Variants in RORA observed in about 807,000 individuals in gnomAD.
RORA encodes the protein nuclear receptor ROR-alpha.
RORA carries 7 observed loss-of-function variants against 69.5 expected under a neutral mutation model. The observed-to-expected ratio is 0.10, with a 90% CI of 0.06 to 0.19. The LOEUF is 0.19. RORA is among the 10% of genes least tolerant of loss of function. RORA has a pLI of 1.00. For synonymous variants in RORA, 261 were observed against 240.8 expected, an observed-to-expected ratio of 1.08 and a Z score of -0.78; for missense variants, 457 against 663.0, an observed-to-expected ratio of 0.69 and a Z score of 3.41.
chr15:60,821,201 T>G (rs2072888954), intron 1 of RORA, among the ~76,000 whole-genome samples: 1 of 152,124 alleles, frequency 6.6e-6, no homozygotes, highest in South Asian at 2.1e-4. Flanking sequence ...TGCCTCCAGG[T>G]TCACTGATCA....
chr15:60,666,346 CTTTTTTT>C (rs1161494532), intron 2 of RORA, among the ~76,000 whole-genome samples: 6 of 132,442 alleles, frequency 4.5e-5, no homozygotes, highest in African/African-American at 8.4e-5. Context: ...TAATTTCTTT[CTTTTTTT>C]TTTTTTTTTT....
chr15:60,543,324 A>T (rs890932441), intron 2 of RORA, among the ~76,000 whole-genome samples: 1 of 151,884 alleles, frequency 6.6e-6, no homozygotes, highest in African/African-American at 2.4e-5. Flanking sequence ...TAGCTATGAG[A>T]ACTTGGACAC....
At chr15:60,589,792 C>T (rs540758989) in intron 2 of RORA, among the ~76,000 whole-genome samples, 3 of 152,256 alleles carry the variant, frequency 2.0e-5, no homozygotes, top group African/African-American at 7.2e-5. Context: ...AGTAAATCAG[C>T]CAACAAAGAG....
chr15:61,217,711 A>C (rs2080053572), intron 1 of RORA, among the ~76,000 whole-genome samples: 1 of 152,134 alleles, frequency 6.6e-6, no homozygotes, highest in Non-Finnish European at 1.5e-5. Context: ...TATATGTTGA[A>C]TGAAAGAATG....
At chr15:61,072,533 T>C (rs890221768) in intron 1 of RORA, among the ~76,000 whole-genome samples, 5 of 152,184 alleles carry the variant, frequency 3.3e-5, no homozygotes, top group African/African-American at 1.2e-4. Context: ...AATAAATCTA[T>C]CTCAAAAGGC....
chr15:60,909,854 T>C (rs1891653598), intron 1 of RORA, among the ~76,000 whole-genome samples: 1 of 152,248 alleles, frequency 6.6e-6, no homozygotes, highest in African/African-American at 2.4e-5. Flanking sequence ...TGGTCTGGAA[T>C]GTATTATTAT....
chr15:60,875,285 C>A (rs558718479), intron 1 of RORA, among the ~76,000 whole-genome samples: 1 of 152,346 alleles, frequency 6.6e-6, no homozygotes, highest in South Asian at 2.1e-4. Flanking sequence ...GTAACTTCAA[C>A]TATGCCCTCA....
At chr15:60,523,853 G>A (rs1046018177) in intron 3 of RORA, among the ~76,000 whole-genome samples, 10 of 152,074 alleles carry the variant, frequency 6.6e-5, no homozygotes, top group African/African-American at 1.9e-4. Flanking sequence ...TAAATTTTTT[G>A]TAGAGGAGAC....
intron 1 of RORA, among the ~76,000 whole-genome samples, chr15:60,721,256 A>T (rs1472933821): frequency 6.6e-6 from 1 of 152,194 alleles, no homozygotes; most frequent in African/African-American, 2.4e-5. Flanking sequence ...CCGGGCGGGG[A>T]GAGCAGTCCA....
intron 1 of RORA, among the ~76,000 whole-genome samples, chr15:60,762,520 G>C (rs2071910120): frequency 6.6e-6 from 1 of 152,082 alleles, no homozygotes. Flanking sequence ...TGCCTTTAAA[G>C]AAGTGCATGA....
chr15:61,078,763 A>G (rs550125101), intron 1 of RORA, among the ~76,000 whole-genome samples: 1 of 100,966 alleles, frequency 9.9e-6, no homozygotes, highest in East Asian at 3.1e-4. Flanking sequence ...GAAGGAGGGT[A>G]TGGCTATCTA....
At chr15:61,029,759 G>A (rs1048757260) in intron 1 of RORA, among the ~76,000 whole-genome samples, 3 of 152,166 alleles carry the variant, frequency 2.0e-5, no homozygotes, top group African/African-American at 7.2e-5. Flanking sequence ...TGGGAGACAG[G>A]ACACTGTAAG....
intron 2 of RORA, among the ~76,000 whole-genome samples, chr15:60,580,665 T>A (rs2068165978): frequency 1.3e-5 from 2 of 152,328 alleles, no homozygotes; most frequent in South Asian, 4.1e-4. Context: ...AAGACGCTGA[T>A]CTGCAAAAAT....
At chr15:60,971,471 C>T (rs990427049) in intron 1 of RORA, among the ~76,000 whole-genome samples, 7 of 152,212 alleles carry the variant, frequency 4.6e-5, no homozygotes, top group African/African-American at 1.7e-4. Context: ...GGATGTCCAA[C>T]ATTTGGCCTT....
intron 1 of RORA, among the ~76,000 whole-genome samples, chr15:61,223,921 T>A (rs1428847794): frequency 6.6e-6 from 1 of 151,936 alleles, no homozygotes; most frequent in African/African-American, 2.4e-5. Flanking sequence ...AAATACAATT[T>A]TATTTTAACA....
chr15:60,497,448 A>G lies in RORA; in HGVS notation c.*7T>C. On this transcript the variant is annotated 3_prime_UTR_variant, in exon 11 of 11. Transcript: ENST00000335670. ...CAGACATTCTAGAAGTGCTTAGGTGATAACATTTACCCATCAATTTGCATT... is the reference window on the plus strand; with the variant it reads ...CAGACATTCTAGAAGTGCTTAGGTGGTAACATTTACCCATCAATTTGCATT... 1 of 1,613,190 alleles carries G rather than the reference A, an allele frequency of 6.2e-7. No individual in the cohort carries two copies. The highest frequency in any genetic ancestry group is 1.3e-5 in the African/African-American group (1 of 75,030).
chr15:60,683,433 G>T (rs1171400879), intron 1 of RORA, among the ~76,000 whole-genome samples: 1 of 152,066 alleles, frequency 6.6e-6, no homozygotes, highest in African/African-American at 2.4e-5. Flanking sequence ...CTCACTGTAA[G>T]AAATCCAATG....
At chr15:60,591,085 C>T (rs1278244773) in intron 2 of RORA, among the ~76,000 whole-genome samples, 1 of 152,218 alleles carries the variant, frequency 6.6e-6, no homozygotes, top group Non-Finnish European at 1.5e-5. Context: ...TGCAACACAA[C>T]CCCAAACTAG....
intron 1 of RORA, among the ~76,000 whole-genome samples, chr15:60,858,416 G>C (rs1433563784): frequency 3.3e-5 from 5 of 152,170 alleles, no homozygotes; most frequent in African/African-American, 1.2e-4. Flanking sequence ...GAAGAAAAAA[G>C]ACCAGGGACA....
Sources: allele counts gnomAD v4.1 joint callset (sites outside exome capture counted in the v4.1 genomes callset), GRCh38; gene constraint gnomAD v4.1.1; transcripts MANE v1.5; gene names NCBI Gene and HGNC (gene_info 2026-07-23, HGNC 2026-07-21).